The following GALNT13 variants were observed in gnomAD, a reference collection of about 807,000 sequenced individuals.
The protein encoded by GALNT13 is UDP-GalNAc:polypeptide N-acetylgalactosaminyltransferase 13.
Under a neutral mutation model 64.2 loss-of-function variants are expected in GALNT13, and 28 were observed. The observed-to-expected ratio is 0.44, with a 90% CI of 0.32 to 0.60. The LOEUF is 0.60. GALNT13 is among the 20% of genes least tolerant of loss of function. The probability of loss-of-function intolerance (pLI) is 0.05; values close to 1 mark genes in which losing one functional copy is unlikely to be tolerated. For missense variants in GALNT13, 577 were observed against 669.8 expected, an observed-to-expected ratio of 0.86 and a Z score of 1.53; for synonymous variants, 214 against 224.6, an observed-to-expected ratio of 0.95 and a Z score of 0.42.
the GALNT13 span, among the ~76,000 whole-genome samples, chr2:153,802,400 G>T: frequency 2.0e-5 from 3 of 152,044 alleles, no homozygotes; most frequent in Non-Finnish European, 1.5e-5. Flanking sequence ...ATTTGGTTTG[G>T]TTCGTTCTAC....
intron 3 of GALNT13, among the ~76,000 whole-genome samples, chr2:154,115,273 G>C (rs1333051153): frequency 6.6e-6 from 1 of 151,842 alleles, no homozygotes; most frequent in Non-Finnish European, 1.5e-5. Flanking sequence ...TAAACTATTA[G>C]GATTTTTTAT....
At chr2:153,434,196 A>G in the GALNT13 span, among the ~76,000 whole-genome samples, 4 of 152,256 alleles carry the variant, frequency 2.6e-5, no homozygotes, top group East Asian at 7.7e-4. Flanking sequence ...TCCATGGTGT[A>G]TATGTGCCAC....
intron 8 of GALNT13, among the ~76,000 whole-genome samples, chr2:154,261,721 C>T (rs1040716718): frequency 1.3e-5 from 2 of 151,980 alleles, no homozygotes; most frequent in Non-Finnish European, 2.9e-5. Flanking sequence ...GACAGAGATG[C>T]GTAGGTGTTA....
At position 154,453,098 on chromosome 2, in the gene GALNT13, T is replaced by C. The variant is rs1371859089; in HGVS notation, c.*2547T>C. 6.6e-6 allele frequency: 1 copy of C among 152,180 alleles called. No individual in the cohort carries two copies. Among genetic ancestry groups the C allele is most frequent in the Non-Finnish European group, 1.5e-5 (1 of 68,032 alleles). 9.4% of individuals were successfully genotyped at this position (152,180 alleles called of 1,614,324 possible). A position where few individuals can be genotyped will look rare whatever the true frequency, so the allele number is the denominator to read the frequency against. On this transcript the variant is annotated 3_prime_UTR_variant, in exon 13 of 13. Transcript: ENST00000392825. ...ACTAGAAAAGAATGACTTGCCACCA[T>C]ATCCACTAGGTGTCACTACCTCTAA...
intron 7 of GALNT13, among the ~76,000 whole-genome samples, chr2:154,254,589 A>C (rs993621926): frequency 4.0e-5 from 6 of 151,860 alleles, no homozygotes; most frequent in African/African-American, 1.4e-4. Context: ...TTCAGAAAAA[A>C]AAAGAAGTAT....
At chr2:153,234,635 A>C in the GALNT13 span, among the ~76,000 whole-genome samples, 1 of 152,138 alleles carries the variant, frequency 6.6e-6, no homozygotes, top group Non-Finnish European at 1.5e-5. Flanking sequence ...AATATCATCT[A>C]CATAAGGATA....
At chr2:153,661,378 A>G in the GALNT13 span, among the ~76,000 whole-genome samples, 2 of 152,182 alleles carry the variant, frequency 1.3e-5, no homozygotes, top group Non-Finnish European at 2.9e-5. Flanking sequence ...CTTAAAAACA[A>G]TACATGATTT....
chr2:153,691,751 A>T, the GALNT13 span, among the ~76,000 whole-genome samples: 2 of 152,294 alleles, frequency 1.3e-5, no homozygotes, highest in Middle Eastern at 6.8e-3. Context: ...TTTGTTAAGG[A>T]TGTGAAGCAA....
At chr2:154,000,182 A>G (rs1399363102) in intron 3 of GALNT13, among the ~76,000 whole-genome samples, 1 of 151,380 alleles carries the variant, frequency 6.6e-6, no homozygotes, top group East Asian at 1.9e-4. Context: ...CTTCTTTTTC[A>G]TCTCTGATTT....
intron 9 of GALNT13, among the ~76,000 whole-genome samples, chr2:154,357,924 T>G (rs1268525345): frequency 6.6e-6 from 1 of 152,102 alleles, no homozygotes; most frequent in Non-Finnish European, 1.5e-5. Flanking sequence ...ATTTCTCCTT[T>G]ATTTAAACTT....
chr2:153,770,295 G>T, the GALNT13 span, among the ~76,000 whole-genome samples: 6 of 152,046 alleles, frequency 3.9e-5, no homozygotes, highest in East Asian at 1.2e-3. Flanking sequence ...AATGTATGTT[G>T]TCTATGGTCC....
intron 9 of GALNT13, among the ~76,000 whole-genome samples, chr2:154,349,438 A>G (rs1199417162): frequency 3.3e-5 from 5 of 152,240 alleles, no homozygotes; most frequent in Admixed American, 3.3e-4. Flanking sequence ...ATATAAATGA[A>G]CAAGCTATAA....
the GALNT13 span, among the ~76,000 whole-genome samples, chr2:153,119,082 A>T: frequency 6.6e-6 from 1 of 152,092 alleles, no homozygotes; most frequent in Admixed American, 6.6e-5. Context: ...CCATGTGAAG[A>T]AGAACATGTT....
intron 9 of GALNT13, among the ~76,000 whole-genome samples, chr2:154,388,130 C>A (rs1358709825): frequency 1.3e-5 from 2 of 152,052 alleles, no homozygotes; most frequent in Non-Finnish European, 2.9e-5. Context: ...CGAGACGATA[C>A]CTTATTGTGG....
the GALNT13 span, among the ~76,000 whole-genome samples, chr2:153,395,725 T>A: frequency 1.3e-5 from 2 of 152,036 alleles, no homozygotes; most frequent in Non-Finnish European, 2.9e-5. Flanking sequence ...CTGTTTCGCA[T>A]TTCAGAAAAG....
rs144564924 is a variant in GALNT13, at chr2:154,436,654, G to A, written c.1396-1938G>A. 447 of 152,118 alleles carry A rather than the reference G, an allele frequency of 2.9e-3. 2 individuals are homozygous for A. Among genetic ancestry groups the A allele is most frequent in the African/African-American group, 9.7e-3 (401 of 41,496 alleles). The allele number at this position is 152,118 out of a possible 1,614,324, so 9.4% of individuals were successfully genotyped here. On this transcript the variant is annotated intron_variant, in intron 11 of 12. Coordinates refer to ENST00000392825, the MANE Select transcript of GALNT13 (RefSeq NM_052917.4). ...TTTGTAATTGTGTTTAAGATAATAC[G>A]GTTTGGGGAGGATATGAATATTTCT...
At chr2:154,276,006 A>G (rs778293168) in intron 8 of GALNT13, among the ~76,000 whole-genome samples, 1 of 152,010 alleles carries the variant, frequency 6.6e-6, no homozygotes, top group Non-Finnish European at 1.5e-5. Context: ...TTGGGCCTGT[A>G]GCTTCTTTGT....
the GALNT13 span, among the ~76,000 whole-genome samples, chr2:153,750,214 T>C: frequency 2.6e-5 from 4 of 151,854 alleles, no homozygotes; most frequent in African/African-American, 9.7e-5. Context: ...AATGTATTGA[T>C]GAATTGGTTT....
the GALNT13 span, among the ~76,000 whole-genome samples, chr2:153,562,060 C>CTGTGTGTGTGTGTG: frequency 3.4e-4 from 40 of 118,962 alleles, no homozygotes; most frequent in East Asian, 3.7e-3. Flanking sequence ...CTCTCTCTCT[C>CTGTGTGTGTGTGTG]TGTGTGTGTG....
Sources: gnomAD v4.1 joint callset for allele counts (sites outside exome capture counted in the v4.1 genomes callset) on GRCh38, gnomAD v4.1.1 for gene constraint, MANE v1.5 for transcripts, NCBI Gene and HGNC (gene_info 2026-07-23, HGNC 2026-07-21) for gene names.